Variants in PTGES3L observed in about 807,000 individuals in gnomAD.
PTGES3L encodes putative protein PTGES3L.
Under a neutral mutation model 25.0 loss-of-function variants are expected in PTGES3L, and 17 were observed. The ratio of observed to expected loss-of-function variants is 0.68; its 90% CI spans 0.47 to 1.02. The LOEUF is 1.02. Among genes scored for constraint, PTGES3L ranks in the 50% least tolerant of loss-of-function variants. The pLI is 0.00. For synonymous variants in PTGES3L, 59 were observed against 65.7 expected (o/e 0.90, Z 0.50); for missense variants, 202 against 197.5 (o/e 1.02, Z -0.14).
intron 4 of PTGES3L, among the ~76,000 whole-genome samples, chr17:42,976,631 C>G (rs71377301): frequency 6.6e-6 from 1 of 152,154 alleles, no homozygotes; most frequent in Admixed American, 6.6e-5. Flanking sequence ...CTGCCTGCCT[C>G]GGCCTCCTAC....
chr17:42,977,848 G>A (rs1266352970), intron 4 of PTGES3L, among the ~76,000 whole-genome samples: 1 of 152,008 alleles, frequency 6.6e-6, no homozygotes, highest in Admixed American at 6.6e-5. Flanking sequence ...GGAGGCCGAT[G>A]CAGGTGGATC....
intron 4 of PTGES3L, among the ~76,000 whole-genome samples, chr17:42,973,798 T>C (rs1363031576): frequency 6.8e-6 from 1 of 147,898 alleles, no homozygotes; most frequent in Admixed American, 6.9e-5. Flanking sequence ...GAAGGCAGCA[T>C]GCTCGTTAAG....
chr17:42,976,129 C>G (rs1392205383), intron 4 of PTGES3L, among the ~76,000 whole-genome samples: 1 of 151,844 alleles, frequency 6.6e-6, no homozygotes, highest in Non-Finnish European at 1.5e-5. Flanking sequence ...ACTACAGGCT[C>G]GCACCACCAC....
chr17:42,974,970 T>C (rs1428510408), intron 4 of PTGES3L, among the ~76,000 whole-genome samples: 1 of 151,400 alleles, frequency 6.6e-6, no homozygotes, highest in African/African-American at 2.4e-5. Flanking sequence ...ACCCCATCTC[T>C]ACAAAAAATA....
At chr17:42,969,401 C>CTT (rs67136149) in intron 6 of PTGES3L, among the ~76,000 whole-genome samples, 45 of 73,006 alleles carry the variant, frequency 6.2e-4, no homozygotes, top group African/African-American at 2.3e-3. Context: ...AGTTTCAGGA[C>CTT]TTTTTTTTTT....
intron 4 of PTGES3L, among the ~76,000 whole-genome samples, chr17:42,972,848 C>A (rs1220191454): frequency 1.3e-5 from 2 of 149,934 alleles, no homozygotes; most frequent in Non-Finnish European, 3.0e-5. Context: ...AGCGTCTCCG[C>A]CCGGCCGCCA....
At chr17:42,978,899 C>T (rs936513721) in intron 4 of PTGES3L, among the ~76,000 whole-genome samples, 2 of 152,132 alleles carry the variant, frequency 1.3e-5, no homozygotes, top group Non-Finnish European at 2.9e-5. Context: ...ACCCAGGAGG[C>T]TGAGGCAGGA....
chr17:42,979,737 C>A, intron 1 of PTGES3L, 74 bp from the exon 2 acceptor site: 1 of 1,552,796 alleles, frequency 6.4e-7, no homozygotes. Flanking sequence ...AGGGACTACC[C>A]AGGGACCTTT....
At chr17:42,978,882 C>T (rs1203429031) in intron 4 of PTGES3L, among the ~76,000 whole-genome samples, 2 of 152,078 alleles carry the variant, frequency 1.3e-5, no homozygotes, top group East Asian at 3.8e-4. Context: ...TGCCTGTAAT[C>T]CCAGCTACCC....
intron 1 of PTGES3L, 109 bp downstream of exon 1, chr17:42,979,937 G>T: frequency 1.4e-6 from 2 of 1,456,476 alleles, no homozygotes; most frequent in Non-Finnish European, 1.8e-6. Flanking sequence ...GAGACCAGGG[G>T]TCCGGGGCTC....
intron 4 of PTGES3L, among the ~76,000 whole-genome samples, chr17:42,972,319 C>T (rs2049856676): frequency 7.1e-6 from 1 of 141,404 alleles, no homozygotes; most frequent in Non-Finnish European, 1.5e-5. Context: ...CCCTCTCCCT[C>T]TCCCCCTCCC....
chr17:42,968,913 G>C lies in PTGES3L; in HGVS notation c.*235C>G. ...TTAGAAACCAATCAGTAAGAAATCAGAAGCCCTACCAGTCTACCCCTCCCC... is the reference window on the plus strand; with the variant it reads ...TTAGAAACCAATCAGTAAGAAATCACAAGCCCTACCAGTCTACCCCTCCCC... On this transcript the variant is annotated 3_prime_UTR_variant, in exon 7 of 7. Coordinates refer to ENST00000591916, the MANE Select transcript of PTGES3L (RefSeq NM_001261430.2). 4.2e-6 allele frequency: 2 copies of C among 471,102 alleles called. No individual in the cohort carries two copies. Among genetic ancestry groups the C allele is most frequent in the Non-Finnish European group, 3.8e-6 (1 of 263,780 alleles). The allele number at this position is 471,102 out of a possible 1,614,324, so 29.2% of individuals were successfully genotyped here.
intron 4 of PTGES3L, among the ~76,000 whole-genome samples, chr17:42,973,263 G>A (rs9675155): frequency 4.3e-3 from 587 of 137,718 alleles, no homozygotes; most frequent in African/African-American, 0.019. Flanking sequence ...CCCCCCGCCC[G>A]GCCAGCCGCC....
chr17:42,969,489 C>T (rs1383731332), intron 6 of PTGES3L, among the ~76,000 whole-genome samples: 2 of 145,094 alleles, frequency 1.4e-5, no homozygotes, highest in Admixed American at 1.5e-4. Flanking sequence ...CTCAGTGCAA[C>T]CTCTGCCTCA....
Position 42,979,590 on chromosome 17 carries a change from C to A in PTGES3L, c.82G>T (p.Asp28Tyr). The change falls in exon 2 of 7, where the codon GAT becomes TAT. Residue 28 changes from aspartate (D) to tyrosine (Y), a missense_variant. Coordinates refer to ENST00000591916, the MANE Select transcript of PTGES3L (RefSeq NM_001261430.2). Reference protein sequence around the residue: ...FMEFCVEDSTDVHVLIEDHRI... With the variant: ...FMEFCVEDSTYVHVLIEDHRI... Reference sequence around the variant, plus strand: ...TGATCCTCAATAAGCACGTGGACATCGGTGCTGTCCTCAACACAAAACTCC... The same window carrying A: ...TGATCCTCAATAAGCACGTGGACATAGGTGCTGTCCTCAACACAAAACTCC... 2 of 1,614,122 alleles carry A rather than the reference C, an allele frequency of 1.2e-6. No individual in the cohort carries two copies. Among genetic ancestry groups the A allele is most frequent in the Non-Finnish European group, 1.7e-6 (2 of 1,180,028 alleles).
Position 42,968,986 on chromosome 17 carries a change from C to T in PTGES3L, c.*162G>A. ...CATAGTCAAGTGCCTAGGAGGAAGA[C>T]AAGCTTGAAGGACGACCCTTAATAA... is the stretch of plus-strand genomic sequence containing the variant. On this transcript the variant is annotated 3_prime_UTR_variant, in exon 7 of 7. Transcript: ENST00000591916. 1.7e-6 allele frequency: 1 copy of T among 574,586 alleles called. No individual in the cohort carries two copies. The highest frequency in any genetic ancestry group is 3.1e-6 in the Non-Finnish European group (1 of 321,340). The allele number at this position is 574,586 out of a possible 1,614,324, so 35.6% of individuals were successfully genotyped here.
intron 4 of PTGES3L, among the ~76,000 whole-genome samples, chr17:42,974,348 G>A (rs1354560232): frequency 1.4e-5 from 2 of 147,930 alleles, no homozygotes; most frequent in Non-Finnish European, 3.0e-5. Context: ...CAACAAGAGT[G>A]GAACTCTGTC....
intron 5 of PTGES3L, among the ~76,000 whole-genome samples, chr17:42,971,173 A>C (rs2049829607): frequency 6.6e-6 from 1 of 151,552 alleles, no homozygotes; most frequent in Non-Finnish European, 1.5e-5. Flanking sequence ...GGTGGTGGGC[A>C]CCTGTAATCC....
intron 5 of PTGES3L, among the ~76,000 whole-genome samples, chr17:42,970,676 G>GCACACACACACACA (rs57542042): frequency 7.2e-4 from 104 of 144,188 alleles, no homozygotes; most frequent in African/African-American, 2.6e-3. Flanking sequence ...CTTAACACGC[G>GCACACACACACACA]CACACACACA....
Sources: gnomAD v4.1 joint callset for allele counts (sites outside exome capture counted in the v4.1 genomes callset) on GRCh38, gnomAD v4.1.1 for gene constraint, MANE v1.5 for transcripts, NCBI Gene and HGNC (gene_info 2026-07-23, HGNC 2026-07-21) for gene names.